MYO5C: variants seen among roughly 807,000 people sequenced by gnomAD.
MYO5C encodes the protein unconventional myosin-Vc.
In MYO5C, 194 loss-of-function variants were observed where a neutral mutation model predicts 235.7. The observed-to-expected ratio is 0.82, with a 90% CI of 0.73 to 0.93. MYO5C has a LOEUF of 0.93. MYO5C is among the 40% of genes least tolerant of loss of function. The pLI is 0.00. For synonymous variants in MYO5C, 707 were observed against 754.8 expected (o/e 0.94, Z 1.04); for missense variants, 2,038 against 2,127.2 (o/e 0.96, Z 0.82).
intron 10 of MYO5C, 116 bp downstream of exon 10, chr15:52,260,746 G>T: frequency 1.7e-6 from 2 of 1,206,182 alleles, no homozygotes; most frequent in Non-Finnish European, 2.3e-6. Flanking sequence ...CAAAAGCAGA[G>T]AATGTTATCT....
chr15:52,286,043 C>A (rs1167736188), intron 1 of MYO5C, among the ~76,000 whole-genome samples: 1 of 152,082 alleles, frequency 6.6e-6, no homozygotes, highest in East Asian at 1.9e-4. Context: ...CTCTGCCCTG[C>A]CGCCCCGTCT....
At chr15:52,200,328 G>A (rs1241679403) in intron 38 of MYO5C, among the ~76,000 whole-genome samples, 2 of 152,190 alleles carry the variant, frequency 1.3e-5, no homozygotes, top group African/African-American at 4.8e-5. Context: ...AGCACTTTGG[G>A]AGGCTGAGGC....
In MYO5C at chr15:52,205,972, A is replaced by C; in HGVS notation, c.4387-6T>G. The C allele has an allele frequency of 6.7e-7, 1 of 1,499,712 alleles. No homozygotes were observed. The allele number at this position is 1,499,712 out of a possible 1,614,324, so 92.9% of individuals were successfully genotyped here. ...CTATTATGCTTCATGAATTCCTAAA[A>C]GTAATTTTAAACATAAAATATTAGA... On this transcript the variant is annotated splice_polypyrimidine_tract_variant and splice_region_variant and intron_variant, in intron 36 of 40. Transcript: ENST00000261839.
chr15:52,266,868 G>C (rs2036824255), intron 8 of MYO5C, among the ~76,000 whole-genome samples: 1 of 152,208 alleles, frequency 6.6e-6, no homozygotes, highest in African/African-American at 2.4e-5. Context: ...CAGGGAAGAG[G>C]TGCAGTGGCC....
At chr15:52,282,708 G>A (rs1023043703) in intron 2 of MYO5C, 74 bp downstream of exon 2, 8 of 1,081,332 alleles carry the variant, frequency 7.4e-6, no homozygotes, top group African/African-American at 1.6e-5. Context: ...CGGGGTCCAC[G>A]TGCTCCCATC....
chr15:52,234,354 A>G (rs1279065324), intron 23 of MYO5C, among the ~76,000 whole-genome samples: 5 of 152,198 alleles, frequency 3.3e-5, no homozygotes, highest in African/African-American at 1.2e-4. Flanking sequence ...TTACATTGAA[A>G]GTTTTCATGG....
intron 38 of MYO5C, among the ~76,000 whole-genome samples, chr15:52,197,658 G>A (rs993031467): frequency 6.6e-6 from 1 of 152,094 alleles, no homozygotes; most frequent in Admixed American, 6.6e-5. Flanking sequence ...TTGAGATGGA[G>A]TCTCCCTCTA....
At chr15:52,205,605 C>G (rs2035293930) in intron 37 of MYO5C, 2 of 379,714 alleles carry the variant, frequency 5.3e-6, no homozygotes, top group East Asian at 8.2e-5. Context: ...GATAAATCAT[C>G]CTTATATAAA....
Position 52,224,906 on chromosome 15 carries a change from T to C in MYO5C, c.3441A>G (p.Ala1147=), listed in dbSNP as rs1596158855. The change falls in exon 28 of 41, where the codon GCA becomes GCG. Residue 1147 remains alanine, a synonymous_variant. Coordinates refer to ENST00000261839, the MANE Select transcript of MYO5C (RefSeq NM_018728.4). ...LWFAYEGLKK[A]TRVLESHFQS... is the part of the protein sequence containing the mutation. ...CCCTGAGGAGAATTTCTAACCGTGT[T>C]GCTTTCTTTAGTCCTTCATAAGCAA... 1 of 1,612,368 alleles carries C rather than the reference T, an allele frequency of 6.2e-7. No homozygotes were observed. The highest frequency in any genetic ancestry group is 8.5e-7 in the Non-Finnish European group (1 of 1,179,328).
chr15:52,225,740 G>A (rs186300341), intron 25 of MYO5C, among the ~76,000 whole-genome samples: 66 of 152,254 alleles, frequency 4.3e-4, no homozygotes, highest in African/African-American at 1.5e-3. Flanking sequence ...AGATCTAATG[G>A]GTTGTATCAG....
At chr15:52,285,159 GGA>G (rs1251716569) in intron 1 of MYO5C, among the ~76,000 whole-genome samples, 1 of 152,138 alleles carries the variant, frequency 6.6e-6, no homozygotes, top group Non-Finnish European at 1.5e-5. Context: ...CCTGAGGTCA[GGA>G]GTTGGAGACC....
At chr15:52,221,478 G>A (rs2035684918) in intron 29 of MYO5C, among the ~76,000 whole-genome samples, 1 of 152,154 alleles carries the variant, frequency 6.6e-6, no homozygotes, top group South Asian at 2.1e-4. Context: ...TTCTCACACA[G>A]CTACGACAGG....
intron 9 of MYO5C, among the ~76,000 whole-genome samples, chr15:52,263,712 C>T (rs1207466400): frequency 6.6e-6 from 1 of 152,204 alleles, no homozygotes. Context: ...CCACCCACCA[C>T]CTTCTCAGAA....
At chr15:52,214,297 C>A (rs903327938) in intron 33 of MYO5C, among the ~76,000 whole-genome samples, 1 of 152,118 alleles carries the variant, frequency 6.6e-6, no homozygotes, top group Non-Finnish European at 1.5e-5. Flanking sequence ...AATTTCAAAG[C>A]AGTAAATTGA....
chr15:52,272,015 C>T (rs2036935990), intron 6 of MYO5C, among the ~76,000 whole-genome samples, 171 bp from the exon 7 acceptor site: 1 of 152,156 alleles, frequency 6.6e-6, no homozygotes, highest in Admixed American at 6.5e-5. Flanking sequence ...AACTGGGTGG[C>T]CTGAGATGGC....
chr15:52,272,868 C>T, intron 5 of MYO5C, 145 bp from the exon 6 acceptor site: 2 of 719,060 alleles, frequency 2.8e-6, no homozygotes, highest in South Asian at 3.9e-5. Flanking sequence ...GAAAGCAACC[C>T]CACGCTGGCA....
At chr15:52,277,991 G>C in intron 4 of MYO5C, 1 of 455,930 alleles carries the variant, frequency 2.2e-6, no homozygotes, top group Non-Finnish European at 4.4e-6. Context: ...TAGGTAAAGA[G>C]TCAGCAGGTC....
Position 52,223,642 on chromosome 15 carries a change from T to C in MYO5C, c.3529A>G (p.Ser1177Gly), listed in dbSNP as rs781536220. The change falls in exon 29 of 41, where the codon AGT becomes GGT. Residue 1177 changes from serine to glycine, a missense_variant. Coordinates refer to ENST00000261839, the MANE Select transcript of MYO5C (RefSeq NM_018728.4). ...EALNFKVVHL[S>G]QEINHLQKLF... ...TTCTGCAGGTGGTTGATTTCTTGAC[T>C]GAGATGCACCACTTTGAAGTTCAAA... is the stretch of plus-strand genomic sequence containing the variant. 5.0e-6 allele frequency: 8 copies of C among 1,614,226 alleles called. No individual in the cohort carries two copies. The South Asian group carries it at 8.8e-5, about 18-fold the overall frequency.
rs763369289 is a variant in MYO5C, at chr15:52,244,371, C to T, written c.2375G>A (p.Gly792Asp). The T allele has an allele frequency of 2.5e-6, 4 of 1,613,356 alleles. No homozygotes were observed. Among genetic ancestry groups the T allele is most frequent in the Non-Finnish European group, 3.4e-6 (4 of 1,179,902 alleles). The stretch of plus-strand genomic sequence containing the variant: ...TCCAACATACCTCACAGTTTGCTGA[C>T]CCCGGAAGTACTGCTGGATTATCAG... ...AALIIQQYFR[G>D]QQTVRKAITA... The change falls in exon 19 of 41, where the codon GGT becomes GAT. Residue 792 changes from glycine to aspartate, a missense_variant. By Grantham distance (94) the Gly-to-Asp change is moderately conservative (BLOSUM62 -1). Coordinates refer to ENST00000261839, the MANE Select transcript of MYO5C (RefSeq NM_018728.4).
Sources: allele counts gnomAD v4.1 joint callset (sites outside exome capture counted in the v4.1 genomes callset), GRCh38; gene constraint gnomAD v4.1.1; transcripts MANE v1.5; gene names NCBI Gene and HGNC (gene_info 2026-07-23, HGNC 2026-07-21).